Variants in KIAA0825 observed in about 807,000 individuals in gnomAD.
The protein encoded by KIAA0825 is KIAA0825.
Under a neutral mutation model 147.6 loss-of-function variants are expected in KIAA0825, and 119 were observed. That is an observed-to-expected ratio of 0.81 (90% CI 0.69 to 0.94). KIAA0825 has a LOEUF of 0.94. Ranked by LOEUF, KIAA0825 falls within the 40% of genes least tolerant of loss-of-function variation. The pLI is 0.00. For missense variants in KIAA0825, 1,381 were observed against 1,472.7 expected, an observed-to-expected ratio of 0.94 and a Z score of 1.02; for synonymous variants, 470 against 518.1, an observed-to-expected ratio of 0.91 and a Z score of 1.26.
intron 5 of KIAA0825, among the ~76,000 whole-genome samples, chr5:94,508,860 T>A (rs1766105051): frequency 6.6e-6 from 1 of 152,206 alleles, no homozygotes. Context: ...AGAAGGGAAT[T>A]GCATGTGTCT....
In KIAA0825 at chr5:94,179,355, T is replaced by A. The variant is rs181729738; in HGVS notation, c.3711-25231A>T. On this transcript the variant is annotated intron_variant, in intron 20 of 20. Transcript: ENST00000682413. ...ACAAGGAATCTAACTATATTACAAT[T>A]AAATCACAAAGCAACATTGAAGGGA... 4.7e-3 allele frequency among the ~76,000 whole-genome samples: 712 copies of A among 152,166 alleles called. 3 individuals carry two copies. Among genetic ancestry groups the A allele is most frequent in the Non-Finnish European group, 7.4e-3 (503 of 67,962 alleles).
intron 5 of KIAA0825, among the ~76,000 whole-genome samples, chr5:94,500,629 C>A (rs541896812): frequency 6.6e-6 from 1 of 152,146 alleles, no homozygotes; most frequent in African/African-American, 2.4e-5. Context: ...AACAAACAGG[C>A]ATTTAGCTGT....
intron 5 of KIAA0825, among the ~76,000 whole-genome samples, chr5:94,485,710 G>A (rs539008206): frequency 1.9e-4 from 29 of 151,612 alleles, no homozygotes; most frequent in Non-Finnish European, 3.7e-4. Context: ...GGAATTATTT[G>A]TATTATCCTG....
At chr5:94,422,067 T>A (rs1199793630) in intron 14 of KIAA0825, among the ~76,000 whole-genome samples, 1 of 151,758 alleles carries the variant, frequency 6.6e-6, no homozygotes, top group African/African-American at 2.4e-5. Context: ...TCTTTTAACC[T>A]GCTCTTTAAG....
intron 2 of KIAA0825, among the ~76,000 whole-genome samples, chr5:94,574,994 G>T (rs931274823): frequency 1.3e-5 from 2 of 152,146 alleles, no homozygotes; most frequent in African/African-American, 4.8e-5. Context: ...GGGGGCCCTT[G>T]TAATTAAAGT....
intron 20 of KIAA0825, among the ~76,000 whole-genome samples, chr5:94,175,729 G>A (rs903786471): frequency 6.6e-6 from 1 of 151,988 alleles, no homozygotes; most frequent in Admixed American, 6.6e-5. Context: ...CTATATTTAC[G>A]TGAATTTAGG....
intron 2 of KIAA0825, among the ~76,000 whole-genome samples, chr5:94,577,257 G>GA (rs1781226756): frequency 1.3e-5 from 2 of 151,862 alleles, no homozygotes; most frequent in East Asian, 1.9e-4. Flanking sequence ...ATGTAAAAAA[G>GA]AAAAAAACCA....
intron 14 of KIAA0825, among the ~76,000 whole-genome samples, chr5:94,429,462 A>C (rs374270831): frequency 6.6e-6 from 1 of 151,604 alleles, no homozygotes; most frequent in African/African-American, 2.4e-5. Flanking sequence ...TTCTATAGAC[A>C]TATGCACTTC....
chr5:94,157,050 A>G (rs193085188), intron 20 of KIAA0825, among the ~76,000 whole-genome samples: 148 of 152,314 alleles, frequency 9.7e-4, no homozygotes, highest in African/African-American at 3.5e-3. Flanking sequence ...TGGATGGACA[A>G]TCTGTTAAAA....
chr5:94,303,483 T>A (rs1778532117), intron 20 of KIAA0825, among the ~76,000 whole-genome samples: 1 of 152,114 alleles, frequency 6.6e-6, no homozygotes, highest in Non-Finnish European at 1.5e-5. Context: ...TTAGTAAATA[T>A]GATGCTGGAG....
chr5:94,193,931 C>T lies in KIAA0825; in HGVS notation c.3711-39807G>A, dbSNP rs147098731. Among the ~76,000 whole-genome samples, 96 of 152,274 alleles carry T rather than the reference C, an allele frequency of 6.3e-4. 1 individual carries two copies. The highest frequency in any genetic ancestry group is 2.3e-3 in the African/African-American group (94 of 41,572). On this transcript the variant is annotated intron_variant, in intron 20 of 20. Transcript: ENST00000682413. ...GAATAAAGGATAACTGTTTGTCCTG[C>T]TGAAGCCAGAGCACCCAAAAGCATA...
intron 1 of KIAA0825, among the ~76,000 whole-genome samples, chr5:94,608,889 T>C (rs766489548): frequency 7.2e-5 from 11 of 152,106 alleles, no homozygotes; most frequent in Non-Finnish European, 1.5e-4. Context: ...CGTTGTATAA[T>C]GAAATCTATT....
At chr5:94,392,725 C>T (rs1236676024) in intron 17 of KIAA0825, among the ~76,000 whole-genome samples, 4 of 152,078 alleles carry the variant, frequency 2.6e-5, no homozygotes, top group Admixed American at 6.6e-5. Flanking sequence ...GAGTCAATGC[C>T]GCTGACCTGA....
At position 94,505,405 on chromosome 5, in the gene KIAA0825, T is replaced by G. The variant is rs1176534177; in HGVS notation, c.970+14843A>C. On this transcript the variant is annotated intron_variant, in intron 5 of 20. Transcript: ENST00000682413. ...TTAATCTCATAAGTCTTCATCCCCT[T>G]TTTTTCATGGGGATATTAACCTAAA... Among the ~76,000 whole-genome samples the G allele has an allele frequency of 3.9e-5, 6 of 152,036 alleles. No homozygotes were observed. The South Asian group carries it at 1.2e-3, about 32-fold the overall frequency.
At chr5:94,552,427 GA>G (rs1775724257) in intron 2 of KIAA0825, among the ~76,000 whole-genome samples, 1 of 152,134 alleles carries the variant, frequency 6.6e-6, no homozygotes. Context: ...GATATGTACA[GA>G]AAATCCCACT....
At chr5:94,537,246 C>T (rs1311104384) in intron 2 of KIAA0825, 119 bp from the exon 3 acceptor site, 6 of 636,776 alleles carry the variant, frequency 9.4e-6, no homozygotes, top group Middle Eastern at 2.7e-4. Flanking sequence ...TTCCTATTTA[C>T]AGGCACAATG....
intron 3 of KIAA0825, among the ~76,000 whole-genome samples, chr5:94,529,254 G>T (rs1770077383): frequency 1.6e-5 from 2 of 123,294 alleles, no homozygotes; most frequent in African/African-American, 3.6e-5. Context: ...ACATATATAT[G>T]TATATATCAT....
intron 12 of KIAA0825, among the ~76,000 whole-genome samples, chr5:94,460,723 A>G (rs1305929908): frequency 2.0e-5 from 3 of 152,002 alleles, no homozygotes; most frequent in Admixed American, 6.6e-5. Flanking sequence ...ACACAAATAT[A>G]TTTTTCCCTA....
intron 20 of KIAA0825, among the ~76,000 whole-genome samples, chr5:94,227,226 G>A (rs960451209): frequency 5.3e-5 from 8 of 152,248 alleles, no homozygotes; most frequent in African/African-American, 1.9e-4. Flanking sequence ...CATAAAAAAT[G>A]ATGAGTTCAT....
Sources: allele counts gnomAD v4.1 joint callset (sites outside exome capture counted in the v4.1 genomes callset), GRCh38; gene constraint gnomAD v4.1.1; transcripts MANE v1.5; gene names NCBI Gene and HGNC (gene_info 2026-07-23, HGNC 2026-07-21).